MAGI1: variants seen among roughly 807,000 people sequenced by gnomAD.
The protein encoded by MAGI1 is membrane-associated guanylate kinase, WW and PDZ domain-containing protein 1.
In MAGI1, 58 loss-of-function variants were observed where a neutral mutation model predicts 139.9. That is an observed-to-expected ratio of 0.41 (90% CI 0.34 to 0.52). The LOEUF (loss-of-function observed/expected upper bound fraction) is 0.52. Among genes scored for constraint, MAGI1 ranks in the 20% least tolerant of loss-of-function variants. The pLI, the probability that MAGI1 is intolerant of heterozygous loss-of-function variation, is 0.12. For missense variants in MAGI1, 1,874 were observed against 1,901.6 expected, an observed-to-expected ratio of 0.99 and a Z score of 0.27; for synonymous variants, 812 against 737.9, an observed-to-expected ratio of 1.10 and a Z score of -1.63.
At position 65,475,806 on chromosome 3, in the gene MAGI1, T is replaced by C. The variant is rs1246939298; in HGVS notation, c.757+2786A>G. On this transcript the variant is annotated intron_variant, in intron 4 of 22. Coordinates refer to ENST00000402939, the MANE Select transcript of MAGI1 (RefSeq NM_001033057.2). ...GGGGTGGGCTGCCTTCCCAGATGCT[T>C]CTGGCCAATAGGCTCCTTGATCTTT... Among the ~76,000 whole-genome samples the C allele has an allele frequency of 2.6e-5, 4 of 152,066 alleles. No homozygotes were observed. The South Asian group carries it at 8.3e-4, about 32-fold the overall frequency.
chr3:65,980,643 T>C (rs1350124716), intron 1 of MAGI1, among the ~76,000 whole-genome samples: 1 of 151,196 alleles, frequency 6.6e-6, no homozygotes, highest in Non-Finnish European at 1.5e-5. Context: ...AGGTGCAGAC[T>C]GGTTAAATGA....
At chr3:65,814,695 T>C (rs568452656) in intron 1 of MAGI1, among the ~76,000 whole-genome samples, 20 of 152,318 alleles carry the variant, frequency 1.3e-4, no homozygotes, top group Non-Finnish European at 2.4e-4. Context: ...GCTCATAGAA[T>C]GCTCAGAGCA....
chr3:65,759,217 C>T (rs543570772), intron 1 of MAGI1, among the ~76,000 whole-genome samples: 15 of 152,152 alleles, frequency 9.9e-5, no homozygotes, highest in East Asian at 3.9e-4. Context: ...ATACATGATG[C>T]CCTCCTCTAG....
At chr3:65,812,468 T>TCTCA (rs1176899313) in intron 1 of MAGI1, among the ~76,000 whole-genome samples, 10 of 89,088 alleles carry the variant, frequency 1.1e-4, no homozygotes, top group African/African-American at 2.2e-4. Context: ...TCTCTCTCTC[T>TCTCA]CACACACACA....
At chr3:65,963,356 G>T (rs1040575816) in intron 1 of MAGI1, among the ~76,000 whole-genome samples, 1 of 148,592 alleles carries the variant, frequency 6.7e-6, no homozygotes, top group Admixed American at 6.7e-5. Context: ...GGTGGCTCAC[G>T]CCTGTAATCC....
intron 2 of MAGI1, among the ~76,000 whole-genome samples, chr3:65,616,214 A>C (rs80198058): frequency 3.0e-5 from 1 of 33,582 alleles, no homozygotes; most frequent in Non-Finnish European, 6.5e-5. Context: ...TTCAATGGAG[A>C]AGGACAGGTG....
chr3:65,467,969 T>C (rs1473563220), intron 5 of MAGI1, among the ~76,000 whole-genome samples: 18 of 152,174 alleles, frequency 1.2e-4, no homozygotes. Flanking sequence ...ACAATAACAA[T>C]AGTGATCACT....
intron 1 of MAGI1, among the ~76,000 whole-genome samples, chr3:65,671,709 T>C (rs192476140): frequency 1.7e-4 from 26 of 152,282 alleles, no homozygotes; most frequent in African/African-American, 4.8e-4. Context: ...CCTCAATTTC[T>C]TTATCTAGCT....
At chr3:65,775,161 T>G (rs963187260) in intron 1 of MAGI1, among the ~76,000 whole-genome samples, 1 of 152,116 alleles carries the variant, frequency 6.6e-6, no homozygotes, top group South Asian at 2.1e-4. Context: ...CAAAGTATTT[T>G]CAGGCTGGGC....
intron 1 of MAGI1, among the ~76,000 whole-genome samples, chr3:66,005,743 CA>C (rs1271296205): frequency 2.0e-5 from 3 of 152,068 alleles, no homozygotes; most frequent in Non-Finnish European, 2.9e-5. Flanking sequence ...AGCACCATGC[CA>C]GGGAGAGATT....
intron 1 of MAGI1, among the ~76,000 whole-genome samples, chr3:65,698,408 G>A (rs1486720332): frequency 3.4e-5 from 5 of 148,158 alleles, no homozygotes; most frequent in East Asian, 4.0e-4. Context: ...AAAAGAGCCC[G>A]CATCACCAAG....
intron 12 of MAGI1, 35 bp from the exon 13 acceptor site, chr3:65,401,505 G>T (rs1944892314): frequency 6.2e-7 from 1 of 1,607,306 alleles, no homozygotes; most frequent in Non-Finnish European, 8.5e-7. Context: ...GAGGGGGGAA[G>T]AAATCATTAG....
intron 2 of MAGI1, among the ~76,000 whole-genome samples, chr3:65,550,482 C>T (rs767092612): frequency 7.2e-5 from 11 of 152,168 alleles, no homozygotes; most frequent in Non-Finnish European, 7.4e-5. Flanking sequence ...ACTCTCTAGG[C>T]CAAGAAGAAA....
chr3:65,972,679 C>T (rs938370844), intron 1 of MAGI1, among the ~76,000 whole-genome samples: 4 of 152,014 alleles, frequency 2.6e-5, no homozygotes, highest in African/African-American at 4.8e-5. Flanking sequence ...ATAAGAATAA[C>T]GATGAAGAAC....
chr3:65,986,699 G>C (rs11926861), intron 1 of MAGI1, among the ~76,000 whole-genome samples: 17,621 of 152,060 alleles, frequency 0.12, 1,439 homozygotes, highest in African/African-American at 0.23. Flanking sequence ...CACCTTAGAA[G>C]CTTTTTGCGT....
chr3:66,000,478 G>A (rs558181117), intron 1 of MAGI1, among the ~76,000 whole-genome samples: 4 of 151,962 alleles, frequency 2.6e-5, no homozygotes, highest in Non-Finnish European at 4.4e-5. Context: ...AACCTAATAC[G>A]ACTAAGGCAA....
chr3:65,438,389 G>A (rs1229147189), intron 9 of MAGI1, among the ~76,000 whole-genome samples: 1 of 152,154 alleles, frequency 6.6e-6, no homozygotes, highest in Non-Finnish European at 1.5e-5. Context: ...GTTGGAGGGG[G>A]ATGAAGGATG....
chr3:65,766,874 G>A (rs1473675547), intron 1 of MAGI1, among the ~76,000 whole-genome samples: 1 of 152,114 alleles, frequency 6.6e-6, no homozygotes, highest in Non-Finnish European at 1.5e-5. Context: ...GGGTGACAGA[G>A]CGAGACTCCA....
At chr3:65,401,652 G>A in intron 12 of MAGI1, 182 bp from the exon 13 acceptor site, 2 of 1,548,566 alleles carry the variant, frequency 1.3e-6, no homozygotes, top group Non-Finnish European at 1.7e-6. Context: ...GCAGAGGGAG[G>A]AGGAGAGCGA....
Sources: allele counts gnomAD v4.1 joint callset (sites outside exome capture counted in the v4.1 genomes callset), GRCh38; gene constraint gnomAD v4.1.1; transcripts MANE v1.5; gene names NCBI Gene and HGNC (gene_info 2026-07-23, HGNC 2026-07-21).